The following EPHB1 variants were observed in gnomAD, a reference collection of about 807,000 sequenced individuals.
The protein encoded by EPHB1 is EPH receptor B1.
Under a neutral mutation model 94.4 loss-of-function variants are expected in EPHB1, and 30 were observed. That is an observed-to-expected ratio of 0.32 (90% confidence interval 0.24 to 0.43). The LOEUF (loss-of-function observed/expected upper bound fraction) is 0.43. Ranked by LOEUF, EPHB1 falls within the 20% of genes least tolerant of loss-of-function variation. The pLI is 1.00. For synonymous variants in EPHB1, 522 were observed against 489.1 expected (o/e 1.07, Z -0.89); for missense variants, 1,055 against 1,308.3 (o/e 0.81, Z 2.99).
intron 12 of EPHB1, among the ~76,000 whole-genome samples, chr3:135,227,354 C>T (rs1364219528): frequency 2.0e-5 from 3 of 152,184 alleles, no homozygotes; most frequent in Admixed American, 2.0e-4. Flanking sequence ...CTTCCAAATT[C>T]CCAGAAATTA....
At chr3:135,256,343 G>T (rs1436688362) in intron 15 of EPHB1, among the ~76,000 whole-genome samples, 1 of 152,178 alleles carries the variant, frequency 6.6e-6, no homozygotes, top group Admixed American at 6.5e-5. Flanking sequence ...GCATGATTTT[G>T]CAGCAGCTGG....
chr3:135,167,458 A>G (rs923361611), intron 9 of EPHB1, among the ~76,000 whole-genome samples: 2 of 152,236 alleles, frequency 1.3e-5, no homozygotes, highest in Non-Finnish European at 2.9e-5. Flanking sequence ...GCAGAGCCCA[A>G]GAGGCCAAAG....
At chr3:134,933,948 G>C (rs894979352) in intron 2 of EPHB1, among the ~76,000 whole-genome samples, 1 of 152,028 alleles carries the variant, frequency 6.6e-6, no homozygotes, top group Admixed American at 6.6e-5. Context: ...TCAACCGAGA[G>C]GCCCAGCCTC....
At chr3:135,246,310 T>C (rs142591841) in intron 13 of EPHB1, among the ~76,000 whole-genome samples, 1 of 152,264 alleles carries the variant, frequency 6.6e-6, no homozygotes, top group Non-Finnish European at 1.5e-5. Flanking sequence ...ATTCTGTGAC[T>C]GGGACCCTCA....
intron 15 of EPHB1, among the ~76,000 whole-genome samples, chr3:135,258,514 T>TA (rs1933512857): frequency 6.6e-6 from 1 of 152,166 alleles, no homozygotes; most frequent in Non-Finnish European, 1.5e-5. Context: ...CCACTCTTCT[T>TA]AAAAATGCAT....
intron 15 of EPHB1, 22 bp downstream of exon 15, chr3:135,249,513 G>A (rs765444122): frequency 1.2e-6 from 2 of 1,607,388 alleles, no homozygotes; most frequent in South Asian, 1.1e-5. Context: ...GAATCTCTCT[G>A]TCCAGACCAC....
chr3:134,966,900 A>G (rs191159777), intron 3 of EPHB1, among the ~76,000 whole-genome samples: 97 of 152,314 alleles, frequency 6.4e-4, no homozygotes, highest in African/African-American at 2.3e-3. Flanking sequence ...TCTGGCCCTG[A>G]GTTCTGAAAA....
chr3:134,911,256 C>A (rs572405787), intron 1 of EPHB1, among the ~76,000 whole-genome samples: 1 of 152,274 alleles, frequency 6.6e-6, no homozygotes, highest in Non-Finnish European at 1.5e-5. Context: ...GATCCTGGCA[C>A]TATTCTCTCA....
At chr3:134,992,223 G>A (rs981494405) in intron 3 of EPHB1, among the ~76,000 whole-genome samples, 1 of 152,168 alleles carries the variant, frequency 6.6e-6, no homozygotes, top group Non-Finnish European at 1.5e-5. Flanking sequence ...CAGCACTCAG[G>A]GGGTGATCCA....
chr3:135,220,396 G>A (rs911486268), intron 12 of EPHB1, among the ~76,000 whole-genome samples: 2 of 152,136 alleles, frequency 1.3e-5, no homozygotes, highest in Admixed American at 6.5e-5. Context: ...AAGCTAGAGA[G>A]TAAGAAACAG....
At chr3:135,061,880 G>A (rs189463649) in intron 3 of EPHB1, among the ~76,000 whole-genome samples, 304 of 152,206 alleles carry the variant, frequency 2.0e-3, no homozygotes, top group Middle Eastern at 6.8e-3. Context: ...AGTTTGCTGC[G>A]AATGATGGTT....
intron 1 of EPHB1, among the ~76,000 whole-genome samples, chr3:134,819,009 G>A (rs1275207415): frequency 1.3e-5 from 2 of 152,196 alleles, no homozygotes; most frequent in Admixed American, 6.5e-5. Context: ...GGAGGTGGGA[G>A]CTGATTCAAT....
chr3:135,255,227 A>C (rs1933324652), intron 15 of EPHB1, among the ~76,000 whole-genome samples: 1 of 151,508 alleles, frequency 6.6e-6, no homozygotes, highest in South Asian at 2.1e-4. Context: ...TTCTGCTCTG[A>C]TTTTAGTTAT....
chr3:134,967,321 C>T (rs1374354356), intron 3 of EPHB1, among the ~76,000 whole-genome samples: 1 of 152,148 alleles, frequency 6.6e-6, no homozygotes, highest in Non-Finnish European at 1.5e-5. Context: ...GAAATAGAAC[C>T]TGGGAAGACA....
At chr3:135,115,085 C>T (rs1458859217) in intron 4 of EPHB1, among the ~76,000 whole-genome samples, 3 of 152,316 alleles carry the variant, frequency 2.0e-5, no homozygotes, top group African/African-American at 7.2e-5. Flanking sequence ...CTTGTCGGTC[C>T]TTCCTTGAGG....
intron 1 of EPHB1, among the ~76,000 whole-genome samples, chr3:134,919,773 G>A (rs977551049): frequency 6.6e-6 from 1 of 152,142 alleles, no homozygotes; most frequent in African/African-American, 2.4e-5. Flanking sequence ...AATGCAGTCT[G>A]GATTTGGGAC....
chr3:135,075,973 T>A (rs895930346), intron 3 of EPHB1, among the ~76,000 whole-genome samples: 1 of 152,142 alleles, frequency 6.6e-6, no homozygotes, highest in African/African-American at 2.4e-5. Flanking sequence ...AGAGATGGCT[T>A]CCTGGTGTTT....
intron 3 of EPHB1, among the ~76,000 whole-genome samples, chr3:135,056,344 A>G (rs1250137270): frequency 1.3e-5 from 2 of 151,922 alleles, no homozygotes; most frequent in Non-Finnish European, 2.9e-5. Context: ...TCATCTCTCC[A>G]TGTGCTTGAC....
chr3:134,900,603 A>T (rs1266210884), intron 1 of EPHB1, among the ~76,000 whole-genome samples: 2 of 152,162 alleles, frequency 1.3e-5, no homozygotes, highest in Non-Finnish European at 2.9e-5. Flanking sequence ...GGGCCCAGTG[A>T]GGAGGTAGAC....
Sources: allele counts gnomAD v4.1 joint callset (sites outside exome capture counted in the v4.1 genomes callset), GRCh38; gene constraint gnomAD v4.1.1; transcripts MANE v1.5; gene names NCBI Gene and HGNC (gene_info 2026-07-23, HGNC 2026-07-21).